The following FRMD5 variants were observed in gnomAD, a reference collection of about 807,000 sequenced individuals.
FRMD5 encodes FERM domain-containing protein 5.
FRMD5 carries 20 observed loss-of-function variants against 69.0 expected under a neutral mutation model. The observed-to-expected ratio is 0.29, with a 90% CI of 0.20 to 0.42. The LOEUF is 0.42. Among genes scored for constraint, FRMD5 ranks in the 10% least tolerant of loss-of-function variants. The pLI is 1.00. For missense variants in FRMD5, 595 were observed against 708.6 expected (o/e 0.84, Z 1.82); for synonymous variants, 271 against 260.1 (o/e 1.04, Z -0.40).
At chr15:43,876,178 T>C (rs1358889460) in intron 13 of FRMD5, 2 of 1,598,810 alleles carry the variant, frequency 1.3e-6, no homozygotes, top group Non-Finnish European at 8.6e-7. Context: ...TTGTCAGCAC[T>C]GTCACTCCCA....
chr15:44,195,119 G>A lies in FRMD5; in HGVS notation c.-65C>T. ...CGGACCCTGGACCAGGCGTCCCTCA[G>A]CCCGGCAGCTCCGCACCGACCCCAG... On this transcript the variant is annotated 5_prime_UTR_variant, in exon 1 of 14. Coordinates refer to ENST00000417257, the MANE Select transcript of FRMD5 (RefSeq NM_032892.5). 7.7e-7 allele frequency: 1 copy of A among 1,294,284 alleles called. No individual in the cohort carries two copies. The highest frequency in any genetic ancestry group is 2.4e-5 in the Admixed American group (1 of 41,756). 80.2% of individuals were successfully genotyped at this position (1,294,284 alleles called of 1,614,324 possible). A position where few individuals can be genotyped will look rare whatever the true frequency, so the allele number is the denominator to read the frequency against.
intron 7 of FRMD5, among the ~76,000 whole-genome samples, chr15:43,897,645 C>T (rs948851687): frequency 1.3e-4 from 19 of 151,876 alleles, no homozygotes; most frequent in African/African-American, 4.4e-4. Context: ...TGTGGTTGAT[C>T]TAACCTAGAT....
intron 1 of FRMD5, among the ~76,000 whole-genome samples, chr15:44,121,695 A>G (rs1479347677): frequency 6.6e-6 from 1 of 152,028 alleles, no homozygotes; most frequent in Non-Finnish European, 1.5e-5. Flanking sequence ...CTTATATGAC[A>G]GTTGAAATAG....
At chr15:43,928,184 TC>T (rs1364355869) in intron 1 of FRMD5, among the ~76,000 whole-genome samples, 2 of 152,220 alleles carry the variant, frequency 1.3e-5, no homozygotes, top group Non-Finnish European at 2.9e-5. Flanking sequence ...AAGACATAGT[TC>T]CCTCAAGTTC....
At position 43,906,100 on chromosome 15, in the gene FRMD5, C is replaced by T. The variant is rs1566826804; in HGVS notation, c.428-149G>A. The T allele has an allele frequency of 1.1e-5, 11 of 1,011,124 alleles. 1 individual carries two copies. Among genetic ancestry groups the T allele is most frequent in the Non-Finnish European group, 8.8e-6 (6 of 680,994 alleles). 62.6% of individuals were successfully genotyped at this position (1,011,124 alleles called of 1,614,324 possible). Reference sequence around the variant, plus strand: ...ATTCTGAGCACGGCTGTGGGCTGGGCAGAGGGCAGGCCCTTCAGGAGCATG... The same window carrying T: ...ATTCTGAGCACGGCTGTGGGCTGGGTAGAGGGCAGGCCCTTCAGGAGCATG... On this transcript the variant is annotated intron_variant, in intron 5 of 13. Coordinates refer to ENST00000417257, the MANE Select transcript of FRMD5 (RefSeq NM_032892.5).
At chr15:43,998,214 C>A (rs1435219962) in intron 1 of FRMD5, among the ~76,000 whole-genome samples, 1 of 152,116 alleles carries the variant, frequency 6.6e-6, no homozygotes, top group African/African-American at 2.4e-5. Flanking sequence ...TTTAGTTCTG[C>A]TATCAAGATT....
At chr15:44,172,803 C>T (rs2077827382) in intron 1 of FRMD5, among the ~76,000 whole-genome samples, 1 of 151,978 alleles carries the variant, frequency 6.6e-6, no homozygotes, top group Non-Finnish European at 1.5e-5. Context: ...AAAATAAAAA[C>T]CTTCAGGAAA....
chr15:43,925,194 G>A (rs781209293), intron 1 of FRMD5, among the ~76,000 whole-genome samples: 15 of 151,902 alleles, frequency 9.9e-5, no homozygotes, highest in Non-Finnish European at 2.2e-4. Flanking sequence ...TAGTAGACAC[G>A]GGGTTTCACC....
intron 1 of FRMD5, among the ~76,000 whole-genome samples, chr15:44,103,888 T>C (rs113203545): frequency 6.4e-4 from 98 of 152,354 alleles, no homozygotes; most frequent in African/African-American, 2.2e-3. Flanking sequence ...CATAATGTAA[T>C]GCGTTACTCA....
chr15:43,898,645 G>T (rs483165), intron 7 of FRMD5, among the ~76,000 whole-genome samples: 7 of 152,232 alleles, frequency 4.6e-5, no homozygotes, highest in Admixed American at 2.0e-4. Flanking sequence ...CCTGGATGGA[G>T]CAAGATGGTG....
rs184474158 is a variant in FRMD5 at position 43,871,531 on chromosome 15, C to T, written c.*2354G>A. 6.6e-6 allele frequency: 1 copy of T among 152,350 alleles called. No homozygotes were observed. Among genetic ancestry groups the T allele is most frequent in the African/African-American group, 2.4e-5 (1 of 41,578 alleles). 9.4% of individuals were successfully genotyped at this position (152,350 alleles called of 1,614,324 possible). ...CAGGTGGACACCAGCCCCCTGTCTC[C>T]TGACAGCCTTTTCATCTCTGGGTCT... On this transcript the variant is annotated 3_prime_UTR_variant, in exon 14 of 14. Transcript: ENST00000417257.
intron 7 of FRMD5, among the ~76,000 whole-genome samples, chr15:43,896,249 C>T (rs1028138100): frequency 6.6e-6 from 1 of 152,210 alleles, no homozygotes; most frequent in Non-Finnish European, 1.5e-5. Flanking sequence ...TTCAATTTCT[C>T]ATCCTTGTGA....
intron 1 of FRMD5, among the ~76,000 whole-genome samples, chr15:44,125,055 A>T (rs1016936685): frequency 4.6e-5 from 7 of 152,140 alleles, no homozygotes; most frequent in Non-Finnish European, 1.0e-4. Flanking sequence ...TTTTTCTTTG[A>T]AGTTACTTCA....
chr15:43,988,030 T>C (rs929266164), intron 1 of FRMD5, among the ~76,000 whole-genome samples: 1 of 152,162 alleles, frequency 6.6e-6, no homozygotes, highest in Non-Finnish European at 1.5e-5. Context: ...AGATCCCTCA[T>C]GTGCACAGTT....
At chr15:43,914,889 C>T (rs2089357090) in intron 4 of FRMD5, among the ~76,000 whole-genome samples, 1 of 152,042 alleles carries the variant, frequency 6.6e-6, no homozygotes, top group South Asian at 2.1e-4. Context: ...CCACGCCTGG[C>T]CAATTTTTTG....
At chr15:44,132,010 C>T in intron 1 of FRMD5, among the ~76,000 whole-genome samples, 1 of 151,786 alleles carries the variant, frequency 6.6e-6, no homozygotes, top group East Asian at 1.9e-4. Context: ...CAGTAGGAGC[C>T]CTGAGGTTTT....
intron 1 of FRMD5, among the ~76,000 whole-genome samples, chr15:44,049,420 A>G (rs938507942): frequency 6.6e-6 from 1 of 152,198 alleles, no homozygotes; most frequent in African/African-American, 2.4e-5. Flanking sequence ...ACCCTAGTGA[A>G]TAAAGGGCTG....
At chr15:43,937,903 G>A (rs2089789363) in intron 1 of FRMD5, among the ~76,000 whole-genome samples, 1 of 152,104 alleles carries the variant, frequency 6.6e-6, no homozygotes, top group South Asian at 2.1e-4. Flanking sequence ...TGGGGACCTG[G>A]GTGGAGTATT....
intron 1 of FRMD5, among the ~76,000 whole-genome samples, chr15:44,167,202 A>G (rs942132666): frequency 6.6e-6 from 1 of 152,136 alleles, no homozygotes; most frequent in Non-Finnish European, 1.5e-5. Flanking sequence ...CCTCGTCTCC[A>G]CAAAAAAAAT....
Sources: allele counts gnomAD v4.1 joint callset (sites outside exome capture counted in the v4.1 genomes callset), GRCh38; gene constraint gnomAD v4.1.1; transcripts MANE v1.5; gene names NCBI Gene and HGNC (gene_info 2026-07-23, HGNC 2026-07-21).